Variants in PIGL observed in about 807,000 individuals in gnomAD.
The protein encoded by PIGL is N-acetylglucosaminyl-phosphatidylinositol de-N-acetylase.
Under a neutral mutation model 31.1 loss-of-function variants are expected in PIGL, and 22 were observed. The observed-to-expected ratio is 0.71, with a 90% confidence interval of 0.51 to 1.01. The LOEUF (loss-of-function observed/expected upper bound fraction) is 1.01. Among genes scored for constraint, PIGL ranks in the 50% least tolerant of loss-of-function variants. The pLI is 0.00. For missense variants in PIGL, 302 were observed against 315.9 expected, an observed-to-expected ratio of 0.96 and a Z score of 0.33; for synonymous variants, 131 against 117.4, an observed-to-expected ratio of 1.12 and a Z score of -0.75.
chr17:16,281,491 A>T (rs1347042195), intron 2 of PIGL, among the ~76,000 whole-genome samples: 1 of 152,212 alleles, frequency 6.6e-6, no homozygotes, highest in Non-Finnish European at 1.5e-5. Flanking sequence ...CAACATTCAT[A>T]ATAACTAAGG....
intron 2 of PIGL, chr17:16,282,031 G>C (rs770474728): frequency 3.8e-6 from 2 of 519,864 alleles, no homozygotes; most frequent in African/African-American, 1.9e-5. Context: ...TTGATCAGCA[G>C]ATCAGGACTG....
intron 2 of PIGL, among the ~76,000 whole-genome samples, chr17:16,259,437 G>A (rs946770705): frequency 7.9e-5 from 12 of 152,000 alleles, no homozygotes; most frequent in African/African-American, 1.7e-4. Flanking sequence ...TTGGGAGGCC[G>A]AGGCAGGAGG....
chr17:16,310,286 AGTGTGT>A (rs10522327), intron 3 of PIGL, among the ~76,000 whole-genome samples: 8,053 of 146,308 alleles, frequency 0.055, 336 homozygotes, highest in Admixed American at 0.12. Flanking sequence ...ATTATTAAAA[AGTGTGT>A]GTGTGTGTGT....
At chr17:16,272,000 A>G (rs767651061) in intron 2 of PIGL, among the ~76,000 whole-genome samples, 4 of 152,108 alleles carry the variant, frequency 2.6e-5, no homozygotes, top group Admixed American at 6.5e-5. Flanking sequence ...CACTGTGATT[A>G]TAAGTATGAG....
At chr17:16,293,459 C>T (rs1177549929) in intron 2 of PIGL, among the ~76,000 whole-genome samples, 1 of 152,100 alleles carries the variant, frequency 6.6e-6, no homozygotes, top group Non-Finnish European at 1.5e-5. Flanking sequence ...AGCCAGGAGG[C>T]GGAGGTTGCA....
chr17:16,263,501 T>G (rs866191007), intron 2 of PIGL, among the ~76,000 whole-genome samples: 28 of 151,314 alleles, frequency 1.9e-4, no homozygotes, highest in African/African-American at 6.6e-4. Flanking sequence ...TTGGTTTTTT[T>G]TTGTTTGTTT....
At chr17:16,278,010 G>A (rs1202695014) in intron 2 of PIGL, among the ~76,000 whole-genome samples, 1 of 151,410 alleles carries the variant, frequency 6.6e-6, no homozygotes, top group African/African-American at 2.4e-5. Context: ...TACCAAACAA[G>A]CCAAACTTCA....
At chr17:16,241,955 T>TAA (rs2092724943) in intron 2 of PIGL, among the ~76,000 whole-genome samples, 1 of 152,170 alleles carries the variant, frequency 6.6e-6, no homozygotes, top group African/African-American at 2.4e-5. Context: ...TTTAAGCACT[T>TAA]ACAATTTTTT....
intron 1 of PIGL, among the ~76,000 whole-genome samples, chr17:16,218,827 T>C (rs898578608): frequency 6.6e-5 from 10 of 151,808 alleles, no homozygotes; most frequent in Admixed American, 2.6e-4. Context: ...TACAAGCGCA[T>C]GCCACCACAC....
intron 1 of PIGL, among the ~76,000 whole-genome samples, chr17:16,220,228 G>A (rs1484259922): frequency 6.6e-6 from 1 of 151,806 alleles, no homozygotes; most frequent in African/African-American, 2.4e-5. Flanking sequence ...CACGCCTGTA[G>A]TCCCAGCTAC....
At chr17:16,317,656 A>G in intron 5 of PIGL, 119 bp from the exon 6 acceptor site, 5 of 1,527,702 alleles carry the variant, frequency 3.3e-6, no homozygotes, top group Non-Finnish European at 4.4e-6. Context: ...AACACGTGGC[A>G]ATGCTGTGGC....
At chr17:16,269,185 A>G (rs988732788) in intron 2 of PIGL, among the ~76,000 whole-genome samples, 3 of 152,260 alleles carry the variant, frequency 2.0e-5, no homozygotes, top group African/African-American at 7.2e-5. Flanking sequence ...GGGGGAGATT[A>G]AGTAACTTCT....
At chr17:16,257,650 T>G (rs74824899) in intron 2 of PIGL, among the ~76,000 whole-genome samples, 4 of 102,392 alleles carry the variant, frequency 3.9e-5, no homozygotes, top group East Asian at 2.0e-4. Context: ...CAGCAGTGGG[T>G]TTTTTTTTTC....
intron 2 of PIGL, among the ~76,000 whole-genome samples, chr17:16,234,320 G>A (rs1285667573): frequency 2.0e-5 from 3 of 151,632 alleles, no homozygotes; most frequent in Admixed American, 6.6e-5. Context: ...AATTAGCTGG[G>A]CATTGTGGTC....
At chr17:16,274,012 C>T (rs1427415291) in intron 2 of PIGL, among the ~76,000 whole-genome samples, 2 of 152,172 alleles carry the variant, frequency 1.3e-5, no homozygotes, top group African/African-American at 2.4e-5. Flanking sequence ...TGGCCTCCAT[C>T]GATGGCCGTG....
At chr17:16,261,850 T>C (rs951239406) in intron 2 of PIGL, among the ~76,000 whole-genome samples, 6 of 151,930 alleles carry the variant, frequency 3.9e-5, no homozygotes, top group African/African-American at 1.4e-4. Flanking sequence ...GTGATCTGCC[T>C]GCCTCAGCCT....
intron 2 of PIGL, among the ~76,000 whole-genome samples, chr17:16,291,102 G>T (rs1449646222): frequency 6.6e-6 from 1 of 152,196 alleles, no homozygotes; most frequent in Non-Finnish European, 1.5e-5. Context: ...TAAAATTGTG[G>T]TCTTTACCAT....
At chr17:16,261,351 A>G (rs1008412193) in intron 2 of PIGL, among the ~76,000 whole-genome samples, 5 of 152,202 alleles carry the variant, frequency 3.3e-5, no homozygotes, top group Non-Finnish European at 7.3e-5. Flanking sequence ...GCAACACCCC[A>G]AGGATCCTGT....
chr17:16,268,955 G>C (rs1028564138), intron 2 of PIGL, among the ~76,000 whole-genome samples: 1 of 151,816 alleles, frequency 6.6e-6, no homozygotes, highest in Non-Finnish European at 1.5e-5. Flanking sequence ...GTAGAGACAG[G>C]GTTTTACCAT....
Sources: allele counts gnomAD v4.1 joint callset (sites outside exome capture counted in the v4.1 genomes callset), GRCh38; gene constraint gnomAD v4.1.1; transcripts MANE v1.5; gene names NCBI Gene and HGNC (gene_info 2026-07-23, HGNC 2026-07-21).